SORCS3: variants seen among roughly 807,000 people sequenced by gnomAD.
SORCS3 encodes VPS10 domain-containing receptor SorCS3.
Under a neutral mutation model 146.3 loss-of-function variants are expected in SORCS3, and 57 were observed. That is an observed-to-expected ratio of 0.39 (90% CI 0.31 to 0.49). The LOEUF is 0.49. Ranked by LOEUF, SORCS3 falls within the 20% of genes least tolerant of loss-of-function variation. The pLI is 0.92. For missense variants in SORCS3, 1,341 were observed against 1,575.5 expected (o/e 0.85, Z 2.52); for synonymous variants, 653 against 618.5 (o/e 1.06, Z -0.83).
rs537534549 is a variant in SORCS3, at chr10:105,247,317, C to T, written c.3091C>T (p.Arg1031Ter). 3.1e-6 allele frequency: 5 copies of T among 1,603,318 alleles called. No individual in the cohort carries two copies. Among genetic ancestry groups the T allele is most frequent in the African/African-American group, 1.3e-5 (1 of 74,766 alleles). The change falls in exon 22 of 27, where the codon CGA (arginine) becomes TGA (stop). Residue 1031 changes from arginine (R) to a stop codon, truncating the protein, a stop_gained. Transcript: ENST00000369701. LOFTEE classifies it high-confidence loss of function. Reference sequence around the variant, plus strand: ...AAAAGATATTGGCAATGTCATCAAGCGAGCTCTGGTTAAAGTAAGTTGGCT... The same window carrying T: ...AAAAGATATTGGCAATGTCATCAAGTGAGCTCTGGTTAAAGTAAGTTGGCT... ...WRKDIGNVIK[R>*]ALVKVTSVPE...
Position 104,764,002 on chromosome 10 carries a change from C to CTT in SORCS3, c.628-78776_628-78775dup, listed in dbSNP as rs58439388. On this transcript the variant is annotated intron_variant, in intron 1 of 26. Coordinates refer to ENST00000369701, the MANE Select transcript of SORCS3 (RefSeq NM_014978.3). ...ATGCAGAACTATGAGTCAATTAAACCTTTTTTTTTTTTTTTAATGAATTAC... is the reference window on the plus strand; with the variant it reads ...ATGCAGAACTATGAGTCAATTAAACCTTTTTTTTTTTTTTTTTAATGAATTAC... Among the ~76,000 whole-genome samples, 267 of 142,868 alleles carry CTT rather than the reference C, an allele frequency of 1.9e-3. 1 individual carries two copies. The highest frequency in any genetic ancestry group is 5.5e-3 in the Admixed American group (78 of 14,300). The allele number at this position is 142,868 out of a possible 152,430, so 93.7% of individuals were successfully genotyped here.
chr10:104,894,638 A>G (rs1260369289), intron 2 of SORCS3, among the ~76,000 whole-genome samples: 1 of 152,200 alleles, frequency 6.6e-6, no homozygotes, highest in African/African-American at 2.4e-5. Flanking sequence ...AGAAGGACCC[A>G]TGCACGAGGT....
intron 7 of SORCS3, among the ~76,000 whole-genome samples, chr10:105,127,650 G>A (rs1297339365): frequency 6.6e-6 from 1 of 152,094 alleles, no homozygotes; most frequent in Non-Finnish European, 1.5e-5. Context: ...TTATAGATGA[G>A]TAAGAACATT....
chr10:104,651,550 A>C (rs113382321), intron 1 of SORCS3, among the ~76,000 whole-genome samples: 18 of 151,046 alleles, frequency 1.2e-4, no homozygotes, highest in African/African-American at 4.1e-4. Flanking sequence ...AAAAAAAAAA[A>C]AAAACACAAA....
chr10:105,248,713 C>CAAAAAAAA (rs35611802), intron 22 of SORCS3, among the ~76,000 whole-genome samples: 1 of 110,348 alleles, frequency 9.1e-6, no homozygotes, highest in Non-Finnish European at 1.8e-5. Flanking sequence ...GACTCCATCT[C>CAAAAAAAA]AAAAAAAAAA....
At position 104,917,699 on chromosome 10, in the gene SORCS3, T is replaced by A. The variant is rs574815859; in HGVS notation, c.795+1767T>A. On this transcript the variant is annotated intron_variant, in intron 3 of 26. Transcript: ENST00000369701. Reference sequence around the variant, plus strand: ...CCATTCTATTATCTAATTCTGAGATTAACTCTTTTAGATTCCACATATGCG... The same window carrying A: ...CCATTCTATTATCTAATTCTGAGATAAACTCTTTTAGATTCCACATATGCG... Among the ~76,000 whole-genome samples, 31 of 152,364 alleles carry A rather than the reference T, an allele frequency of 2.0e-4. 1 individual carries two copies. The highest frequency in any genetic ancestry group is 7.2e-4 in the African/African-American group (30 of 41,582).
At position 105,167,427 on chromosome 10, in the gene SORCS3, A is replaced by G. The variant is rs41306738; in HGVS notation, c.1901+78A>G. The G allele has an allele frequency of 4.5e-3, 4,757 of 1,049,916 alleles. 23 individuals carry two copies. The highest frequency in any genetic ancestry group is 0.022 in the Middle Eastern group (109 of 4,848). 65.0% of individuals were successfully genotyped at this position (1,049,916 alleles called of 1,614,324 possible). On this transcript the variant is annotated intron_variant, in intron 13 of 26. Coordinates refer to ENST00000369701, the MANE Select transcript of SORCS3 (RefSeq NM_014978.3). ...AGAGGATTGTGATGAGTTATTCTGC[A>G]TGGTTTTGTACCCATTTGTACATTT...
At chr10:104,981,763 C>T (rs764048883) in intron 4 of SORCS3, among the ~76,000 whole-genome samples, 19 of 152,164 alleles carry the variant, frequency 1.2e-4, no homozygotes, top group Admixed American at 1.2e-3. Context: ...CATCCTGGCA[C>T]AGGGGGCCTT....
At chr10:104,895,722 C>T (rs2491384) in intron 2 of SORCS3, among the ~76,000 whole-genome samples, 1 of 152,198 alleles carries the variant, frequency 6.6e-6, no homozygotes, top group Non-Finnish European at 1.5e-5. Context: ...CCCTGAATGT[C>T]TGTCTCCATG....
At chr10:105,107,795 G>T (rs945603081) in intron 7 of SORCS3, among the ~76,000 whole-genome samples, 1 of 152,128 alleles carries the variant, frequency 6.6e-6, no homozygotes, top group Non-Finnish European at 1.5e-5. Context: ...ATACATAGAT[G>T]AAAAGTTATA....
intron 2 of SORCS3, among the ~76,000 whole-genome samples, chr10:104,899,298 C>A (rs1373863363): frequency 6.6e-6 from 1 of 152,170 alleles, no homozygotes; most frequent in African/African-American, 2.4e-5. Context: ...CACACACATC[C>A]TTTCAGGGAG....
intron 1 of SORCS3, among the ~76,000 whole-genome samples, chr10:104,685,406 C>A (rs1274756179): frequency 6.6e-6 from 1 of 152,154 alleles, no homozygotes; most frequent in Non-Finnish European, 1.5e-5. Flanking sequence ...TACCAGTGTT[C>A]TTCTGGAGTG....
In SORCS3 at chr10:105,167,352, A is replaced by T; in HGVS notation, c.1901+3A>T. 1 of 1,612,144 alleles carries T rather than the reference A, an allele frequency of 6.2e-7. No homozygotes were observed. Among genetic ancestry groups the T allele is most frequent in the Non-Finnish European group, 8.5e-7 (1 of 1,178,618 alleles). On this transcript the variant is annotated splice_donor_region_variant and intron_variant, in intron 13 of 26. Transcript: ENST00000369701. ...CCTCTGCCAGTCAGGCATTTGTGGT[A>T]AGGAGAGCTCCCTACCCTATTAATG...
At chr10:105,242,361 TATATATTTATAC>T (rs2056830052) in intron 20 of SORCS3, among the ~76,000 whole-genome samples, 1 of 123,388 alleles carries the variant, frequency 8.1e-6, no homozygotes. Flanking sequence ...CATATATTTA[TATATATTTATAC>T]ATATATTTAT....
chr10:105,255,763 G>A lies in SORCS3; in HGVS notation c.3299G>A (p.Gly1100Glu). ...TTGGTCCAGTTTGAGCTGAAGCCGG[G>A]GGTACAAGTCATTGTGTATGTCACA... is the stretch of plus-strand genomic sequence containing the variant. The part of the protein sequence containing the change: ...QNLVQFELKP[G>E]VQVIVYVTQL... The change falls in exon 24 of 27, where the codon GGG becomes GAG. Residue 1100 changes from glycine to glutamate, a missense_variant. Transcript: ENST00000369701. 1 of 1,613,876 alleles carries A rather than the reference G, an allele frequency of 6.2e-7. No individual in the cohort carries two copies. Among genetic ancestry groups the A allele is most frequent in the South Asian group, 1.1e-5 (1 of 90,994 alleles).
intron 1 of SORCS3, among the ~76,000 whole-genome samples, chr10:104,732,676 A>G (rs2133453908): frequency 6.6e-6 from 1 of 152,324 alleles, no homozygotes; most frequent in African/African-American, 2.4e-5. Flanking sequence ...ATCTTGGGCT[A>G]AAATGTGCAT....
intron 1 of SORCS3, among the ~76,000 whole-genome samples, chr10:104,732,968 C>A (rs1196055987): frequency 6.6e-6 from 1 of 152,120 alleles, no homozygotes; most frequent in Non-Finnish European, 1.5e-5. Flanking sequence ...AGGGGCTGAG[C>A]AAACAGTGGA....
intron 1 of SORCS3, among the ~76,000 whole-genome samples, chr10:104,660,080 C>T (rs1467547670): frequency 6.6e-6 from 1 of 152,052 alleles, no homozygotes; most frequent in Non-Finnish European, 1.5e-5. Flanking sequence ...AGCTCCAGCC[C>T]GATTTAAATT....
At chr10:105,102,885 G>A (rs538656749) in intron 6 of SORCS3, among the ~76,000 whole-genome samples, 1 of 147,004 alleles carries the variant, frequency 6.8e-6, no homozygotes, top group East Asian at 2.0e-4. Context: ...TGACTCCCTG[G>A]TTCAAGCAAT....
Sources: allele counts gnomAD v4.1 joint callset (sites outside exome capture counted in the v4.1 genomes callset), GRCh38; gene constraint gnomAD v4.1.1; transcripts MANE v1.5; gene names NCBI Gene and HGNC (gene_info 2026-07-23, HGNC 2026-07-21).